Variants in TRIM37 observed in about 807,000 individuals in gnomAD.
TRIM37 encodes the protein tripartite motif containing 37, also known as E3 ubiquitin-protein ligase TRIM37.
TRIM37 carries 80 observed loss-of-function variants against 129.8 expected under a neutral mutation model. The observed-to-expected ratio is 0.62, with a 90% CI of 0.51 to 0.74. The LOEUF (loss-of-function observed/expected upper bound fraction) is 0.74, where lower values mean the gene tolerates loss of function less well. Among genes scored for constraint, TRIM37 ranks in the 30% least tolerant of loss-of-function variants. The probability of loss-of-function intolerance (pLI) is 0.00; values close to 1 mark genes in which losing one functional copy is unlikely to be tolerated. For missense variants in TRIM37, 1,054 were observed against 1,176.5 expected (o/e 0.90, Z 1.52); for synonymous variants, 389 against 387.1 (o/e 1.00, Z -0.06).
chr17:59,048,485 CTG>C (rs963647591), intron 15 of TRIM37, among the ~76,000 whole-genome samples: 1 of 152,184 alleles, frequency 6.6e-6, no homozygotes, highest in Non-Finnish European at 1.5e-5. Context: ...TGGATTCTGA[CTG>C]TTGTTTAGCT....
At chr17:59,083,744 C>T (rs1040343897) in intron 5 of TRIM37, among the ~76,000 whole-genome samples, 4 of 152,020 alleles carry the variant, frequency 2.6e-5, no homozygotes, top group Admixed American at 1.3e-4. Context: ...GATCCTACAA[C>T]GAAAAGATCT....
At chr17:59,089,067 GC>G (rs1380622232) in intron 3 of TRIM37, among the ~76,000 whole-genome samples, 2 of 151,916 alleles carry the variant, frequency 1.3e-5, no homozygotes, top group African/African-American at 4.8e-5. Flanking sequence ...TTCGAGACCA[GC>G]CTGGGCAACA....
At chr17:59,102,892 G>A (rs1184846455) in intron 2 of TRIM37, among the ~76,000 whole-genome samples, 2 of 145,208 alleles carry the variant, frequency 1.4e-5, no homozygotes, top group Non-Finnish European at 3.0e-5. Flanking sequence ...TTTTTTTTTT[G>A]AGACGAAGTC....
intron 2 of TRIM37, among the ~76,000 whole-genome samples, chr17:59,103,961 CTTGTAA>C (rs1473237916): frequency 2.0e-5 from 3 of 152,160 alleles, no homozygotes; most frequent in Non-Finnish European, 4.4e-5. Flanking sequence ...TCTAGAGTGT[CTTGTAA>C]TTGTAAGATT....
chr17:59,036,520 T>C (rs1388971504), intron 17 of TRIM37, among the ~76,000 whole-genome samples: 3 of 151,384 alleles, frequency 2.0e-5, no homozygotes, highest in Non-Finnish European at 4.4e-5. Flanking sequence ...TCTTGCTCTG[T>C]CACCCAGGCT....
intron 15 of TRIM37, among the ~76,000 whole-genome samples, chr17:59,048,372 C>T (rs2040017445): frequency 6.6e-6 from 1 of 152,106 alleles, no homozygotes; most frequent in Non-Finnish European, 1.5e-5. Flanking sequence ...TTCATTTTAA[C>T]TTAAAACTGA....
At chr17:59,056,311 T>C (rs1055665555) in intron 13 of TRIM37, among the ~76,000 whole-genome samples, 2 of 151,994 alleles carry the variant, frequency 1.3e-5, no homozygotes, top group Admixed American at 6.6e-5. Flanking sequence ...CCATAGTAGA[T>C]GGAAACACCG....
At chr17:59,102,129 T>C (rs564214809) in intron 2 of TRIM37, among the ~76,000 whole-genome samples, 1 of 152,170 alleles carries the variant, frequency 6.6e-6, no homozygotes, top group East Asian at 1.9e-4. Flanking sequence ...AAGGAATAGA[T>C]TTAGGAGCCA....
At chr17:59,008,835 C>A (rs2034880974) in intron 22 of TRIM37, among the ~76,000 whole-genome samples, 1 of 152,344 alleles carries the variant, frequency 6.6e-6, no homozygotes, top group African/African-American at 2.4e-5. Flanking sequence ...ACCCCCAAAT[C>A]CATTCTCCAG....
At chr17:59,061,190 T>A in intron 11 of TRIM37, 82 bp from the exon 12 acceptor site, 1 of 1,041,936 alleles carries the variant, frequency 9.6e-7, no homozygotes, top group South Asian at 1.3e-5. Flanking sequence ...ATATCTAGAT[T>A]GAGAAGTACT....
chr17:59,095,239 C>T (rs1036159605), intron 2 of TRIM37, among the ~76,000 whole-genome samples: 3 of 151,714 alleles, frequency 2.0e-5, no homozygotes, highest in African/African-American at 7.3e-5. Context: ...ATCCATAGAC[C>T]ATGAAGTTAC....
intron 13 of TRIM37, 52 bp from the exon 14 acceptor site, chr17:59,051,380 T>C: frequency 7.7e-7 from 1 of 1,298,540 alleles, no homozygotes; most frequent in Non-Finnish European, 1.1e-6. Flanking sequence ...TAAAACATTA[T>C]CAGTCTAGCA....
intron 22 of TRIM37, among the ~76,000 whole-genome samples, chr17:59,007,415 A>G (rs2034685696): frequency 6.6e-6 from 1 of 152,152 alleles, no homozygotes; most frequent in Admixed American, 6.5e-5. Flanking sequence ...TAATTACCCT[A>G]AATGATCAGC....
At chr17:59,032,603 C>A (rs2038011949) in intron 17 of TRIM37, among the ~76,000 whole-genome samples, 1 of 150,790 alleles carries the variant, frequency 6.6e-6, no homozygotes, top group Non-Finnish European at 1.5e-5. Flanking sequence ...TGAGTGGTGG[C>A]CTCATTAGTA....
At chr17:59,041,763 G>A (rs1389683753) in intron 17 of TRIM37, 50 bp downstream of exon 17, 4 of 1,334,522 alleles carry the variant, frequency 3.0e-6, no homozygotes, top group Non-Finnish European at 4.3e-6. Context: ...AGTCAGAGAA[G>A]AGCAGAGAGA....
downstream of TRIM37, chr17:58,980,431 C>T (rs1175856261): frequency 6.2e-7 from 1 of 1,614,090 alleles, no homozygotes; most frequent in Non-Finnish European, 8.5e-7. The surrounding 1 kb of genome is among the most constrained non-coding windows in gnomAD (Gnocchi z 4.7). Flanking sequence ...CTAGCCTGAG[C>T]CCAGGGTCCC....
At chr17:59,062,793 C>A (rs1171807614) in intron 10 of TRIM37, 145 bp from the exon 11 acceptor site, 13 of 700,012 alleles carry the variant, frequency 1.9e-5, no homozygotes, top group Non-Finnish European at 3.3e-5. Context: ...CAAAATTCCA[C>A]TGTAAAAGTT....
chr17:58,996,818 G>GTA (rs1879768639), downstream of TRIM37, among the ~76,000 whole-genome samples: 1 of 149,914 alleles, frequency 6.7e-6, no homozygotes, highest in Non-Finnish European at 1.5e-5. Context: ...GTGTGTGTGT[G>GTA]TGTATGTATG....
At position 59,088,496 on chromosome 17, in the gene TRIM37, T is replaced by G. The variant is rs2043978163; in HGVS notation, c.165-89A>C. On this transcript the variant is annotated intron_variant, in intron 3 of 23. Transcript: ENST00000262294. ...ACGTTTCTCAAAATAGAGAGCACAA[T>G]AATACTCATACCATAACACTATTTT... 1.2e-5 allele frequency: 10 copies of G among 837,674 alleles called. No homozygotes were observed. The South Asian group carries it at 1.3e-4, about 11-fold the overall frequency. 51.9% of individuals were successfully genotyped at this position (837,674 alleles called of 1,614,324 possible).
Sources: gnomAD v4.1 joint callset for allele counts (sites outside exome capture counted in the v4.1 genomes callset) on GRCh38, gnomAD v4.1.1 for gene constraint, Gnocchi (gnomAD v3.1) non-coding constraint, MANE v1.5 for transcripts, NCBI Gene and HGNC (gene_info 2026-07-23, HGNC 2026-07-21) for gene names.